SLC14A2: variants seen among roughly 807,000 people sequenced by gnomAD.
The protein encoded by SLC14A2 is urea transporter 2.
A neutral mutation model predicts 104.6 loss-of-function variants in SLC14A2; 91 were observed. The observed-to-expected ratio is 0.87, with a 90% CI of 0.73 to 1.04. The LOEUF (loss-of-function observed/expected upper bound fraction) is 1.04. SLC14A2 is among the 50% of genes least tolerant of loss of function. SLC14A2 has a pLI of 0.00. For synonymous variants in SLC14A2, 476 were observed against 466.4 expected, an observed-to-expected ratio of 1.02 and a Z score of -0.27; for missense variants, 1,189 against 1,156.0, an observed-to-expected ratio of 1.03 and a Z score of -0.41.
intron 1 of SLC14A2, among the ~76,000 whole-genome samples, chr18:45,420,191 TC>T (rs1411611628): frequency 6.6e-6 from 1 of 151,966 alleles, no homozygotes; most frequent in East Asian, 1.9e-4. Context: ...TTGGCAAGAG[TC>T]CTCAGTTCCC....
chr18:45,672,170 A>C (rs1471146454), intron 16 of SLC14A2, among the ~76,000 whole-genome samples: 2 of 152,190 alleles, frequency 1.3e-5, no homozygotes, highest in Admixed American at 1.3e-4. Flanking sequence ...AACATGTTGT[A>C]CTTGAAAACA....
intron 1 of SLC14A2, among the ~76,000 whole-genome samples, chr18:45,373,596 G>C (rs182204482): frequency 1.1e-3 from 169 of 152,248 alleles, no homozygotes; most frequent in African/African-American, 3.5e-3. Flanking sequence ...GGACAACTGG[G>C]GGCACTATAT....
chr18:45,416,207 T>A (rs2086275130), intron 1 of SLC14A2, among the ~76,000 whole-genome samples: 2 of 152,036 alleles, frequency 1.3e-5, no homozygotes, highest in African/African-American at 4.8e-5. Flanking sequence ...GCACTGTAAA[T>A]TAAACCACTT....
chr18:45,658,592 A>T (rs1369745759), intron 10 of SLC14A2, among the ~76,000 whole-genome samples: 1 of 150,136 alleles, frequency 6.7e-6, no homozygotes, highest in Non-Finnish European at 1.5e-5. Flanking sequence ...AAAAAAAAAA[A>T]CCTGAGAAAG....
At chr18:45,197,178 GAGTT>G in the SLC14A2 span, among the ~76,000 whole-genome samples, 1 of 152,166 alleles carries the variant, frequency 6.6e-6, no homozygotes, top group Non-Finnish European at 1.5e-5. Context: ...CTTAAGCTGG[GAGTT>G]AGTCTAGGAC....
the SLC14A2 span, among the ~76,000 whole-genome samples, chr18:45,203,601 A>G: frequency 6.6e-6 from 1 of 152,190 alleles, no homozygotes; most frequent in Non-Finnish European, 1.5e-5. Flanking sequence ...AGCCAATAGT[A>G]TAGATAATTT....
rs771654721 is a variant in SLC14A2 at position 45,636,271 on chromosome 18, G to A, written c.651-719G>A. On this transcript the variant is annotated intron_variant, in intron 5 of 19. Transcript: ENST00000255226. ...GCAGGTCACTGAGTGTGGATGATGTGGGGTATTTGGTGTCTAGGGTGGCTG... is the reference window on the plus strand; with the variant it reads ...GCAGGTCACTGAGTGTGGATGATGTAGGGTATTTGGTGTCTAGGGTGGCTG... Among the ~76,000 whole-genome samples the A allele has an allele frequency of 6.6e-5, 10 of 152,160 alleles. No homozygotes were observed. In the South Asian group the frequency reaches 1.9e-3, roughly 28 times the overall value.
chr18:45,375,604 G>A (rs1029998114), intron 1 of SLC14A2, among the ~76,000 whole-genome samples: 14 of 152,278 alleles, frequency 9.2e-5, no homozygotes, highest in African/African-American at 3.1e-4. Context: ...TCTCCTGCAC[G>A]GCCGGCTCTG....
chr18:45,594,115 T>C (rs745604480), intron 2 of SLC14A2, among the ~76,000 whole-genome samples: 15 of 152,104 alleles, frequency 9.9e-5, no homozygotes, highest in Non-Finnish European at 2.1e-4. Flanking sequence ...GAGCACAGGG[T>C]GCTGGGAGGA....
chr18:45,218,901 A>G (rs916995408), intron 1 of SLC14A2, among the ~76,000 whole-genome samples: 27 of 152,144 alleles, frequency 1.8e-4, no homozygotes, highest in African/African-American at 6.5e-4. Context: ...TGCTTTAAAA[A>G]AAAAAAAAGC....
intron 2 of SLC14A2, among the ~76,000 whole-genome samples, chr18:45,513,052 G>T (rs1476835468): frequency 6.6e-6 from 1 of 152,132 alleles, no homozygotes; most frequent in Non-Finnish European, 1.5e-5. Context: ...ACCAACAATG[G>T]CTACCCTATT....
upstream of SLC14A2, among the ~76,000 whole-genome samples, chr18:45,211,367 C>A (rs539855207): frequency 3.5e-4 from 53 of 152,206 alleles, no homozygotes; most frequent in African/African-American, 1.2e-3. Flanking sequence ...AATCTTAGAC[C>A]AAACAGAAAA....
At chr18:45,321,950 G>A (rs1021460858) in intron 1 of SLC14A2, among the ~76,000 whole-genome samples, 1 of 152,126 alleles carries the variant, frequency 6.6e-6, no homozygotes, top group Non-Finnish European at 1.5e-5. Context: ...GTTTTGCTTT[G>A]GTTTTTGGTT....
chr18:45,275,615 A>G (rs1435486490), intron 1 of SLC14A2, among the ~76,000 whole-genome samples: 1 of 152,238 alleles, frequency 6.6e-6, no homozygotes, highest in East Asian at 1.9e-4. Context: ...TAGACAGTAT[A>G]TGTAAAGAAC....
At chr18:45,441,260 C>A (rs1310327965) in intron 1 of SLC14A2, among the ~76,000 whole-genome samples, 1 of 152,132 alleles carries the variant, frequency 6.6e-6, no homozygotes, top group Non-Finnish European at 1.5e-5. Flanking sequence ...TAAGAAATGG[C>A]TCTTTCAAGC....
intron 2 of SLC14A2, among the ~76,000 whole-genome samples, chr18:45,600,311 A>G (rs1042258300): frequency 2.0e-5 from 3 of 152,056 alleles, no homozygotes; most frequent in Non-Finnish European, 4.4e-5. Flanking sequence ...CCATCACGGG[A>G]ACCCAGGGGT....
At chr18:45,566,054 G>C (rs1277216169) in intron 2 of SLC14A2, among the ~76,000 whole-genome samples, 1 of 152,228 alleles carries the variant, frequency 6.6e-6, no homozygotes. Flanking sequence ...TTCTGTTGTG[G>C]AAGTAAAAAC....
intron 1 of SLC14A2, among the ~76,000 whole-genome samples, chr18:45,616,158 C>T (rs546687101): frequency 1.3e-5 from 2 of 152,116 alleles, no homozygotes; most frequent in Non-Finnish European, 2.9e-5. Context: ...AGAACAGTTG[C>T]TATCTTCAGA....
At chr18:45,613,823 A>G (rs1287569764), upstream of SLC14A2, among the ~76,000 whole-genome samples, 2 of 152,214 alleles carry the variant, frequency 1.3e-5, no homozygotes, top group Non-Finnish European at 2.9e-5. Flanking sequence ...TTGAAATTGG[A>G]ACTTATGTTT....
Sources: gnomAD v4.1 joint callset for allele counts (sites outside exome capture counted in the v4.1 genomes callset) on GRCh38, gnomAD v4.1.1 for gene constraint, MANE v1.5 for transcripts, NCBI Gene and HGNC (gene_info 2026-07-23, HGNC 2026-07-21) for gene names.